The following BICDL2 variants were observed in gnomAD, a reference collection of about 807,000 sequenced individuals.
The protein encoded by BICDL2 is BICD family like cargo adaptor 2.
A neutral mutation model predicts 56.6 loss-of-function variants in BICDL2; 62 were observed. The ratio of observed to expected loss-of-function variants is 1.10; its 90% CI spans 0.89 to 1.35. BICDL2 has a LOEUF of 1.35. BICDL2 is among the 40% of genes most tolerant of loss of function. The pLI, the probability that BICDL2 is intolerant of heterozygous loss-of-function variation, is 0.00. For synonymous variants in BICDL2, 358 were observed against 319.8 expected (o/e 1.12, Z -1.27); for missense variants, 808 against 684.5 (o/e 1.18, Z -2.01).
chr16:3,029,801 C>T, intron 5 of BICDL2, 62 bp from the exon 6 acceptor site: 1 of 1,387,268 alleles, frequency 7.2e-7, no homozygotes, highest in Non-Finnish European at 9.5e-7. Context: ...ACGCCGACAT[C>T]CCGCGGCAGG....
rs763750624 is a variant in BICDL2 at position 3,028,203 on chromosome 16, G to C, written c.1430C>G (p.Ser477Trp). Residue 477 changes from serine (S) to tryptophan (W), a missense_variant, in exon 10 of 10, where the codon TCG (serine) becomes TGG (tryptophan). By Grantham distance (177) the Ser-to-Trp change is radical. Coordinates refer to ENST00000572449, the MANE Select transcript of BICDL2 (RefSeq NM_001369667.1). ...QRQKELSASA[S>W]SSTPRRAAPR... ...CGCGGCACGGCGCGGGGTCGACGAC[G>C]ACGCGGAGGCGCTCAGCTCCTTCTG... 5 of 1,467,758 alleles carry C rather than the reference G, an allele frequency of 3.4e-6. No homozygotes were observed. The highest frequency in any genetic ancestry group is 2.8e-5 in the Admixed American group (1 of 35,734). 90.9% of individuals were successfully genotyped at this position (1,467,758 alleles called of 1,614,324 possible). A position where few individuals can be genotyped will look rare whatever the true frequency, so the allele number is the denominator to read the frequency against.
intron 1 of BICDL2, chr16:3,035,941 A>C: frequency 3.4e-6 from 1 of 291,172 alleles, no homozygotes; most frequent in Non-Finnish European, 6.7e-6. Flanking sequence ...CTCTTCTCTC[A>C]GGAATGCAGG....
rs368673905 is a variant in BICDL2, at chr16:3,030,752, C to T, written c.559G>A (p.Ala187Thr). 17 of 1,612,702 alleles carry T rather than the reference C, an allele frequency of 1.1e-5. No homozygotes were observed. In the African/African-American group the frequency reaches 1.2e-4, roughly 11 times the overall value. The change falls in exon 4 of 10, where the codon GCT becomes ACT. Residue 187 changes from alanine to threonine, a missense_variant. By Grantham distance (58) the Ala-to-Thr change is moderately conservative. Coordinates refer to ENST00000572449, the MANE Select transcript of BICDL2 (RefSeq NM_001369667.1). The part of the protein sequence containing the change: ...ELDALRGQCQ[A>T]QALAGAELRT... ...AGCTCTGCTCCAGCCAGTGCCTGAG[C>T]CTGGCACTGTCCCCGAAGGGCGTCC...
rs56382043 is a variant in BICDL2, at chr16:3,027,709, CTTTT to C, written c.*393_*396del. ...AGGGTTTTAGAGTGTTTTTCATTTT[CTTTT>C]TTTTTTTTTTTTTACAATAAAGTTT... On this transcript the variant is annotated 3_prime_UTR_variant, in exon 10 of 10. Transcript: ENST00000572449. 4.8e-3 allele frequency: 6,493 copies of C among 1,339,100 alleles called. No individual in the cohort carries two copies. The highest frequency in any genetic ancestry group is 9.5e-3 in the Admixed American group (372 of 39,054). 83.0% of individuals were successfully genotyped at this position (1,339,100 alleles called of 1,614,324 possible). A position where few individuals can be genotyped will look rare whatever the true frequency, so the allele number is the denominator to read the frequency against.
chr16:3,031,522 G>A (rs1338375595), intron 2 of BICDL2: 2 of 453,526 alleles, frequency 4.4e-6, no homozygotes, highest in Non-Finnish European at 7.8e-6. Flanking sequence ...CTGTGTCCCA[G>A]GGGCTCTGGA....
chr16:3,029,246 G>A, intron 7 of BICDL2, 34 bp downstream of exon 7: 1 of 1,599,226 alleles, frequency 6.3e-7, no homozygotes, highest in Non-Finnish European at 8.5e-7. Context: ...CAGCTGGAGG[G>A]GCCGTGCATC....
In BICDL2 at chr16:3,035,451, C is replaced by G. The variant is rs1296858005; in HGVS notation, c.46G>C (p.Gly16Arg). The change falls in exon 2 of 10, where the codon GGG becomes CGG. Residue 16 changes from glycine (G) to arginine (R), a missense_variant. Coordinates refer to ENST00000572449, the MANE Select transcript of BICDL2 (RefSeq NM_001369667.1). ...TCGTCGCCGCTGGGAGAGGCGCCCC[C>G]TGAGAGCGGCCCGGACGGGAAGCTG... is the stretch of plus-strand genomic sequence containing the variant. Reference protein sequence around the residue: ...GPSFPSGPLSGGASPSGDEGF... With the variant: ...GPSFPSGPLSRGASPSGDEGF... 2.5e-6 allele frequency: 4 copies of G among 1,611,990 alleles called. No individual in the cohort carries two copies. The African/African-American group carries it at 4.0e-5, about 16-fold the overall frequency.
Position 3,028,423 on chromosome 16 carries a change from T to C in BICDL2, c.1284A>G (p.Arg428=), listed in dbSNP as rs1372643724. The C allele has an allele frequency of 1.3e-6, 2 of 1,559,322 alleles. No individual in the cohort carries two copies. The highest frequency in any genetic ancestry group is 1.4e-5 in the African/African-American group (1 of 73,980). The part of the protein sequence containing the change: ...SLQLNRVSLE[R]DSLSRELLRA... The stretch of plus-strand genomic sequence containing the variant: ...GCAGCAGCTCCCGAGACAGGGAGTC[T>C]CGCTCCAGCGAGACGCGGTTGAGCT... The change falls in exon 9 of 10, where the codon CGA becomes CGG. Residue 428 remains arginine, a synonymous_variant. Coordinates refer to ENST00000572449, the MANE Select transcript of BICDL2 (RefSeq NM_001369667.1).
intron 2 of BICDL2, 114 bp downstream of exon 2, chr16:3,035,099 CTG>C: frequency 9.1e-7 from 1 of 1,098,036 alleles, no homozygotes; most frequent in Non-Finnish European, 1.3e-6. Flanking sequence ...CCTCGCCCGG[CTG>C]TCCTCCCCAG....
intron 2 of BICDL2, chr16:3,031,810 G>T: frequency 2.9e-6 from 1 of 342,802 alleles, no homozygotes; most frequent in Admixed American, 4.8e-5. Context: ...TATCTGCATT[G>T]CTTCATTTCA....
chr16:3,029,940 A>G, intron 5 of BICDL2: 1 of 546,262 alleles, frequency 1.8e-6, no homozygotes, highest in East Asian at 3.3e-5. Context: ...CCTATAGAGC[A>G]GGGCCGCACC....
intron 8 of BICDL2, 75 bp from the exon 9 acceptor site, chr16:3,028,543 T>C: frequency 6.5e-7 from 1 of 1,541,462 alleles, no homozygotes; most frequent in Non-Finnish European, 8.7e-7. Flanking sequence ...GGGACTTCTG[T>C]ACCCGGGCGG....
intron 2 of BICDL2, 40 bp downstream of exon 2, chr16:3,035,175 C>CAGGGGGGGGGGGGGGG: frequency 2.6e-6 from 1 of 387,928 alleles, no homozygotes; most frequent in Non-Finnish European, 4.2e-6. Context: ...CCGTCCTCCC[C>CAGGGGGGGGGGGGGGG]TGCCCACCCA....
chr16:3,035,176 T>TGGCCCGGGGGGGGGGGGGG, intron 2 of BICDL2, 39 bp downstream of exon 2: 1 of 136,274 alleles, frequency 7.3e-6, no homozygotes, highest in Non-Finnish European at 1.4e-5. Flanking sequence ...CGTCCTCCCC[T>TGGCCCGGGGGGGGGGGGGG]GCCCACCCAC....
chr16:3,031,454 G>T, intron 2 of BICDL2: 1 of 532,410 alleles, frequency 1.9e-6, no homozygotes, highest in Non-Finnish European at 3.3e-6. Context: ...CGCAAGCGCC[G>T]TTTTTGGCGC....
In BICDL2 at chr16:3,035,056, T is replaced by C. The variant is rs1452271375; in HGVS notation, c.282+159A>G. The C allele has an allele frequency of 1.7e-5, 12 of 695,650 alleles. No individual in the cohort carries two copies. The Middle Eastern group carries it at 3.2e-3, about 184-fold the overall frequency. The allele number at this position is 695,650 out of a possible 1,614,324, so 43.1% of individuals were successfully genotyped here. A position where few individuals can be genotyped will look rare whatever the true frequency, so the allele number is the denominator to read the frequency against. ...CACTGGGCAACACTGCCAGGGGGACTGGGCCCAGCTCTGACCTGTTCCAAA... is the reference window on the plus strand; with the variant it reads ...CACTGGGCAACACTGCCAGGGGGACCGGGCCCAGCTCTGACCTGTTCCAAA... On this transcript the variant is annotated intron_variant, in intron 2 of 9. Coordinates refer to ENST00000572449, the MANE Select transcript of BICDL2 (RefSeq NM_001369667.1).
chr16:3,028,079 G>T lies in BICDL2; in HGVS notation c.*27C>A. 1.4e-6 allele frequency: 2 copies of T among 1,402,410 alleles called. No individual in the cohort carries two copies. The highest frequency in any genetic ancestry group is 3.3e-5 in the South Asian group (2 of 61,496). The allele number at this position is 1,402,410 out of a possible 1,614,324, so 86.9% of individuals were successfully genotyped here. On this transcript the variant is annotated 3_prime_UTR_variant, in exon 10 of 10. Transcript: ENST00000572449. ...AAGAGGAAAGTGAGCCCCTAAGTGG[G>T]CAAGGGCAGCCCTCTGGGCCCAGCC...
Position 3,030,465 on chromosome 16 carries a change from CG to C in BICDL2, c.745del (p.Arg249GlyfsTer18), listed in dbSNP as rs752276634. Reference sequence around the variant, plus strand: ...GCAGGTCACCTCCAGGCTGTGCTCCCGCCGCTCCCGCCTCAGCAGCAGCAAC... The same window carrying C: ...GCAGGTCACCTCCAGGCTGTGCTCCCCCGCTCCCGCCTCAGCAGCAGCAAC... ...EELLLLRRER[R>X]EHSLELERAR... On this transcript the variant is annotated frameshift_variant, in exon 5 of 10. Coordinates refer to ENST00000572449, the MANE Select transcript of BICDL2 (RefSeq NM_001369667.1). LOFTEE classifies it high-confidence loss of function. 3.7e-6 allele frequency: 6 copies of C among 1,601,522 alleles called. No individual in the cohort carries two copies. Among genetic ancestry groups the C allele is most frequent in the Non-Finnish European group, 5.1e-6 (6 of 1,178,946 alleles).
intron 2 of BICDL2, among the ~76,000 whole-genome samples, chr16:3,034,086 C>T (rs1955695481): frequency 6.6e-6 from 1 of 152,172 alleles, no homozygotes; most frequent in African/African-American, 2.4e-5. Context: ...GCAGAGGGAA[C>T]TGTTCCTACC....
Sources: gnomAD v4.1 joint callset for allele counts (sites outside exome capture counted in the v4.1 genomes callset) on GRCh38, gnomAD v4.1.1 for gene constraint, MANE v1.5 for transcripts, NCBI Gene and HGNC (gene_info 2026-07-23, HGNC 2026-07-21) for gene names.